The following RIMS4 variants were observed in gnomAD, a reference collection of about 807,000 sequenced individuals.
The protein encoded by RIMS4 is regulating synaptic membrane exocytosis 4.
A neutral mutation model predicts 29.0 loss-of-function variants in RIMS4; 9 were observed. That is an observed-to-expected ratio of 0.31 (90% CI 0.19 to 0.54). RIMS4 has a LOEUF of 0.54. RIMS4 is among the 20% of genes least tolerant of loss of function. RIMS4 has a pLI of 0.94. For missense variants in RIMS4, 193 were observed against 365.7 expected (o/e 0.53, Z 3.85); for synonymous variants, 130 against 152.9 (o/e 0.85, Z 1.10).
chr20:44,791,479 A>G (rs1213942013), intron 1 of RIMS4, among the ~76,000 whole-genome samples: 1 of 152,262 alleles, frequency 6.6e-6, no homozygotes, highest in Non-Finnish European at 1.5e-5. Flanking sequence ...GTATAAGGTA[A>G]CATATGTGAA....
In RIMS4 at chr20:44,755,356, C is replaced by T. The variant is rs2066054598; in HGVS notation, c.*778G>A. The T allele has an allele frequency of 6.5e-6, 1 of 152,700 alleles. No homozygotes were observed. The highest frequency in any genetic ancestry group is 1.5e-5 in the Non-Finnish European group (1 of 68,116). The allele number at this position is 152,700 out of a possible 1,614,324, so 9.5% of individuals were successfully genotyped here. Reference sequence around the variant, plus strand: ...TCTGGAAACTCAGGTTCCACAGCTCCTCCACCGGAACACAGACGACAACAT... The same window carrying T: ...TCTGGAAACTCAGGTTCCACAGCTCTTCCACCGGAACACAGACGACAACAT... On this transcript the variant is annotated 3_prime_UTR_variant, in exon 6 of 6. Coordinates refer to ENST00000372851, the MANE Select transcript of RIMS4 (RefSeq NM_182970.4).
chr20:44,788,901 T>TAA (rs943903400), intron 1 of RIMS4, among the ~76,000 whole-genome samples: 3 of 152,206 alleles, frequency 2.0e-5, no homozygotes, highest in African/African-American at 7.2e-5. Context: ...GGGCATGTAT[T>TAA]AAGCACTCAA....
rs529536877 is a variant in RIMS4 at position 44,795,824 on chromosome 20, G to A, written c.97+14351C>T. On this transcript the variant is annotated intron_variant, in intron 1 of 5. Coordinates refer to ENST00000372851, the MANE Select transcript of RIMS4 (RefSeq NM_182970.4). ...AAAATAATGTGGAACAGGTCACGCA[G>A]CAGCTAAGCAGAGTGTGGTCTCCAG... Among the ~76,000 whole-genome samples the A allele has an allele frequency of 3.9e-5, 6 of 152,258 alleles. No homozygotes were observed. The East Asian group carries it at 1.2e-3, about 29-fold the overall frequency.
chr20:44,752,694 G>A lies in RIMS4; in HGVS notation c.*3440C>T, dbSNP rs2066039416. 1 of 152,524 alleles carries A rather than the reference G, an allele frequency of 6.6e-6. No individual in the cohort carries two copies. The highest frequency in any genetic ancestry group is 2.1e-4 in the South Asian group (1 of 4,842). 9.4% of individuals were successfully genotyped at this position (152,524 alleles called of 1,614,324 possible). ...CTGAAAAGCACAACAGGAAGGCCAG[G>A]TCTCACTGCATCTGAAGGTTTGGGG... On this transcript the variant is annotated 3_prime_UTR_variant, in exon 6 of 6. Transcript: ENST00000372851.
rs555809628 is a variant in RIMS4, at chr20:44,808,669, C to T, written c.97+1506G>A. On this transcript the variant is annotated intron_variant, in intron 1 of 5. Coordinates refer to ENST00000372851, the MANE Select transcript of RIMS4 (RefSeq NM_182970.4). ...CTGCAGTAATCATCTTTACCCTTACCCCCATCCCCACCTCCAGGTCAATAG... is the reference window on the plus strand; with the variant it reads ...CTGCAGTAATCATCTTTACCCTTACTCCCATCCCCACCTCCAGGTCAATAG... Among the ~76,000 whole-genome samples the T allele has an allele frequency of 9.2e-5, 14 of 152,262 alleles. No individual in the cohort carries two copies. The South Asian group carries it at 2.9e-3, about 32-fold the overall frequency.
At chr20:44,769,308 T>C (rs1485356017) in intron 2 of RIMS4, among the ~76,000 whole-genome samples, 4 of 152,222 alleles carry the variant, frequency 2.6e-5, no homozygotes, top group Admixed American at 2.6e-4. Flanking sequence ...TCCTCTTCTA[T>C]AAAACGGAAA....
chr20:44,807,638 C>T (rs1050745645), intron 1 of RIMS4, among the ~76,000 whole-genome samples: 3 of 152,118 alleles, frequency 2.0e-5, no homozygotes, highest in African/African-American at 7.2e-5. Flanking sequence ...GAGACCATTC[C>T]ATTGCTTTTA....
intron 1 of RIMS4, among the ~76,000 whole-genome samples, chr20:44,784,465 T>C (rs1208954259): frequency 6.6e-6 from 1 of 152,202 alleles, no homozygotes; most frequent in Non-Finnish European, 1.5e-5. Flanking sequence ...CAAACCCACC[T>C]TGGACTAGCT....
At chr20:44,786,942 G>A (rs551045114) in intron 1 of RIMS4, among the ~76,000 whole-genome samples, 2 of 152,120 alleles carry the variant, frequency 1.3e-5, no homozygotes, top group Non-Finnish European at 2.9e-5. Context: ...CCTAGAGCAG[G>A]AAACAAGACA....
intron 1 of RIMS4, among the ~76,000 whole-genome samples, chr20:44,777,737 C>T (rs2066166463): frequency 6.6e-6 from 1 of 152,152 alleles, no homozygotes; most frequent in African/African-American, 2.4e-5. Context: ...CTTTGACTTC[C>T]AGATGAAAAG....
intron 1 of RIMS4, among the ~76,000 whole-genome samples, chr20:44,782,643 A>G (rs1010199602): frequency 2.0e-5 from 3 of 152,216 alleles, no homozygotes; most frequent in African/African-American, 7.2e-5. Flanking sequence ...ACCCAGGGTG[A>G]AGGGGCAGGC....
At chr20:44,793,231 G>A (rs2066240616) in intron 1 of RIMS4, among the ~76,000 whole-genome samples, 1 of 152,186 alleles carries the variant, frequency 6.6e-6, no homozygotes, top group Non-Finnish European at 1.5e-5. Context: ...CCCAGGGCAG[G>A]AGTACAAATG....
intron 2 of RIMS4, among the ~76,000 whole-genome samples, chr20:44,762,806 G>A (rs2066092039): frequency 6.6e-6 from 1 of 152,142 alleles, no homozygotes; most frequent in South Asian, 2.1e-4. Context: ...GTCTTCCCTG[G>A]AGTACACAAG....
chr20:44,800,709 T>C lies in RIMS4; in HGVS notation c.97+9466A>G, dbSNP rs115828818. ...CCTTCTCTGGGAGACTCTGGGTATA[T>C]CTAAACCAAGCCCACCAGCCTCTCA... On this transcript the variant is annotated intron_variant, in intron 1 of 5. Transcript: ENST00000372851. Among the ~76,000 whole-genome samples, 914 of 151,962 alleles carry C rather than the reference T, an allele frequency of 6.0e-3. 6 individuals carry two copies. Among genetic ancestry groups the C allele is most frequent in the African/African-American group, 0.02 (843 of 41,424 alleles).
chr20:44,792,414 T>A (rs1298495871), intron 1 of RIMS4, among the ~76,000 whole-genome samples: 1 of 152,004 alleles, frequency 6.6e-6, no homozygotes, highest in Non-Finnish European at 1.5e-5. Context: ...TGCCTCAGCC[T>A]CCTGAGTAGC....
chr20:44,796,288 G>C (rs987424025), intron 1 of RIMS4, among the ~76,000 whole-genome samples: 3 of 152,104 alleles, frequency 2.0e-5, no homozygotes, highest in African/African-American at 7.2e-5. Flanking sequence ...GCTGTGTAAT[G>C]TCCAACAACC....
chr20:44,762,224 C>T (rs1227099087), intron 2 of RIMS4, among the ~76,000 whole-genome samples: 1 of 152,224 alleles, frequency 6.6e-6, no homozygotes, highest in Admixed American at 6.5e-5. Flanking sequence ...AACGCTCGCT[C>T]GCCCACCGCT....
At chr20:44,808,668 C>A (rs184049829) in intron 1 of RIMS4, among the ~76,000 whole-genome samples, 1 of 152,308 alleles carries the variant, frequency 6.6e-6, no homozygotes, top group Non-Finnish European at 1.5e-5. Context: ...TTTACCCTTA[C>A]CCCCATCCCC....
chr20:44,801,114 C>T (rs1393846103), intron 1 of RIMS4, among the ~76,000 whole-genome samples: 1 of 152,198 alleles, frequency 6.6e-6, no homozygotes, highest in African/African-American at 2.4e-5. Flanking sequence ...TTACATACCA[C>T]AGTCATGATG....
Sources: gnomAD v4.1 joint callset for allele counts (sites outside exome capture counted in the v4.1 genomes callset) on GRCh38, gnomAD v4.1.1 for gene constraint, MANE v1.5 for transcripts, NCBI Gene and HGNC (gene_info 2026-07-23, HGNC 2026-07-21) for gene names.